TBC1D22A: variants seen among roughly 807,000 people sequenced by gnomAD.
TBC1D22A encodes putative GTPase activator.
In TBC1D22A, 38 loss-of-function variants were observed where a neutral mutation model predicts 60.2. That is an observed-to-expected ratio of 0.63 (90% CI 0.49 to 0.83). The LOEUF (loss-of-function observed/expected upper bound fraction) is 0.83. Among genes scored for constraint, TBC1D22A ranks in the 40% least tolerant of loss-of-function variants. The pLI is 0.00. For synonymous variants in TBC1D22A, 302 were observed against 281.7 expected (o/e 1.07, Z -0.72); for missense variants, 628 against 701.0 (o/e 0.90, Z 1.18).
At chr22:46,858,645 G>T (rs990271149) in intron 4 of TBC1D22A, among the ~76,000 whole-genome samples, 4 of 152,368 alleles carry the variant, frequency 2.6e-5, no homozygotes, top group South Asian at 4.1e-4. Context: ...CTGCAGAAGA[G>T]CAGGTGGACC....
chr22:47,033,216 G>A (rs2062541333), intron 10 of TBC1D22A, among the ~76,000 whole-genome samples: 2 of 152,234 alleles, frequency 1.3e-5, no homozygotes, highest in South Asian at 4.1e-4. Flanking sequence ...GTCAGGCCTG[G>A]ATGGTGGAGC....
intron 6 of TBC1D22A, among the ~76,000 whole-genome samples, chr22:46,891,829 G>T (rs1046593234): frequency 6.6e-6 from 1 of 152,142 alleles, no homozygotes; most frequent in African/African-American, 2.4e-5. Flanking sequence ...CTTCGGTCTA[G>T]GTAGGGATGT....
At chr22:46,894,873 C>T (rs1254738447) in intron 7 of TBC1D22A, 27 bp downstream of exon 7, 21 of 1,613,746 alleles carry the variant, frequency 1.3e-5, no homozygotes, top group Middle Eastern at 1.6e-4. Context: ...GTGGGGAGTT[C>T]CCCTCGTTGG....
At chr22:46,815,080 T>G (rs1287247092) in intron 4 of TBC1D22A, among the ~76,000 whole-genome samples, 1 of 152,268 alleles carries the variant, frequency 6.6e-6, no homozygotes, top group African/African-American at 2.4e-5. Flanking sequence ...AGGTGAAACA[T>G]TTCTGAAGAC....
chr22:47,061,786 T>A (rs1369012204), intron 11 of TBC1D22A, among the ~76,000 whole-genome samples: 1 of 152,106 alleles, frequency 6.6e-6, no homozygotes, highest in East Asian at 1.9e-4. Context: ...TTCCTCCCAG[T>A]CTTGAGGTTA....
intron 4 of TBC1D22A, among the ~76,000 whole-genome samples, chr22:46,867,796 T>G (rs2067125797): frequency 6.6e-6 from 1 of 152,092 alleles, no homozygotes; most frequent in South Asian, 2.1e-4. Context: ...ATTGACAAAA[T>G]CAAAGAGACA....
intron 12 of TBC1D22A, among the ~76,000 whole-genome samples, chr22:47,142,444 C>G (rs1360928558): frequency 1.5e-5 from 1 of 65,976 alleles, no homozygotes; most frequent in African/African-American, 6.7e-5. Context: ...CCCACCCATC[C>G]ATTCACCCAC....
intron 12 of TBC1D22A, among the ~76,000 whole-genome samples, chr22:47,112,310 A>C (rs571309117): frequency 1.3e-5 from 2 of 152,216 alleles, no homozygotes; most frequent in African/African-American, 2.4e-5. Flanking sequence ...TTCACCCAGC[A>C]GAGGGCTCTG....
chr22:47,105,642 C>G (rs1339774204), intron 11 of TBC1D22A, among the ~76,000 whole-genome samples: 1 of 152,206 alleles, frequency 6.6e-6, no homozygotes, highest in East Asian at 1.9e-4. Context: ...ATTGGGGGAG[C>G]CCCCGTTCAT....
At chr22:47,010,868 A>T (rs6009099) in intron 10 of TBC1D22A, among the ~76,000 whole-genome samples, 62,917 of 151,960 alleles carry the variant, frequency 0.41, 14,693 homozygotes, top group African/African-American at 0.65. Context: ...TTTCATGTAA[A>T]CCCAAAAATA....
intron 12 of TBC1D22A, among the ~76,000 whole-genome samples, chr22:47,170,220 C>T (rs2068379277): frequency 2.0e-5 from 3 of 152,188 alleles, no homozygotes; most frequent in East Asian, 1.9e-4. Flanking sequence ...TCTATTCTCC[C>T]TCCATCCAGT....
chr22:46,984,346 G>A (rs1299539788), intron 9 of TBC1D22A, among the ~76,000 whole-genome samples: 1 of 104,390 alleles, frequency 9.6e-6, no homozygotes, highest in Non-Finnish European at 1.8e-5. Context: ...CAGCCGGGGC[G>A]ACAGAACCAG....
chr22:47,152,711 G>T (rs186006740), intron 12 of TBC1D22A, among the ~76,000 whole-genome samples: 2 of 152,360 alleles, frequency 1.3e-5, no homozygotes, highest in Admixed American at 1.3e-4. Context: ...TAACTCTCGT[G>T]ATGAGAAAGG....
intron 8 of TBC1D22A, among the ~76,000 whole-genome samples, chr22:46,964,672 A>G (rs538316944): frequency 6.6e-6 from 1 of 152,342 alleles, no homozygotes; most frequent in East Asian, 1.9e-4. Context: ...CAGTTTGGAT[A>G]GTTACAATGT....
At chr22:47,068,403 G>A (rs560264396) in intron 11 of TBC1D22A, among the ~76,000 whole-genome samples, 1 of 152,364 alleles carries the variant, frequency 6.6e-6, no homozygotes, top group African/African-American at 2.4e-5. Flanking sequence ...TCTGAAGTCC[G>A]TGTGTCAGTC....
At chr22:46,765,415 G>A (rs1051933737) in intron 1 of TBC1D22A, among the ~76,000 whole-genome samples, 1 of 152,186 alleles carries the variant, frequency 6.6e-6, no homozygotes, top group Admixed American at 6.5e-5. Flanking sequence ...GGCTTTGGCA[G>A]CTCTTTCAAT....
At chr22:46,809,517 C>T (rs541928522) in intron 4 of TBC1D22A, among the ~76,000 whole-genome samples, 24 of 152,236 alleles carry the variant, frequency 1.6e-4, no homozygotes, top group Non-Finnish European at 2.8e-4. Flanking sequence ...CCAAGGTAAA[C>T]CCATGGATTT....
chr22:47,165,463 AG>A (rs1208239308), intron 12 of TBC1D22A, among the ~76,000 whole-genome samples: 1 of 152,114 alleles, frequency 6.6e-6, no homozygotes, highest in East Asian at 1.9e-4. Context: ...TCTCATAGAC[AG>A]GGGCTTGTCC....
chr22:47,140,403 C>T (rs1020138471), intron 12 of TBC1D22A, among the ~76,000 whole-genome samples: 1 of 151,684 alleles, frequency 6.6e-6, no homozygotes, highest in East Asian at 1.9e-4. Flanking sequence ...ACTAAAAATA[C>T]AAAAAATTAG....
Sources: gnomAD v4.1 joint callset for allele counts (sites outside exome capture counted in the v4.1 genomes callset) on GRCh38, gnomAD v4.1.1 for gene constraint, MANE v1.5 for transcripts, NCBI Gene and HGNC (gene_info 2026-07-23, HGNC 2026-07-21) for gene names.